Variants in TRIM9 observed in about 807,000 individuals in gnomAD.
The protein encoded by TRIM9 is E3 ubiquitin-protein ligase TRIM9.
In TRIM9, 26 loss-of-function variants were observed where a neutral mutation model predicts 78.3. That is an observed-to-expected ratio of 0.33 (90% confidence interval 0.24 to 0.46). The LOEUF is 0.46. Ranked by LOEUF, TRIM9 falls within the 20% of genes least tolerant of loss-of-function variation. TRIM9 has a pLI of 1.00. For synonymous variants in TRIM9, 398 were observed against 416.5 expected (o/e 0.96, Z 0.54); for missense variants, 787 against 1,036.4 (o/e 0.76, Z 3.30).
chr14:51,035,237 G>A (rs979306733), intron 1 of TRIM9, among the ~76,000 whole-genome samples: 14 of 151,904 alleles, frequency 9.2e-5, no homozygotes, highest in Non-Finnish European at 4.4e-5. Context: ...AAGTTCTTTT[G>A]ATTTTCTGAT....
chr14:51,040,423 A>G (rs764081038), intron 1 of TRIM9, among the ~76,000 whole-genome samples: 1 of 152,100 alleles, frequency 6.6e-6, no homozygotes, highest in Non-Finnish European at 1.5e-5. Context: ...ATCTAGTCCC[A>G]TGGTAACTGC....
At chr14:50,986,950 G>T (rs1052856384) in intron 7 of TRIM9, among the ~76,000 whole-genome samples, 8 of 152,122 alleles carry the variant, frequency 5.3e-5, no homozygotes, top group African/African-American at 1.9e-4. Context: ...TATTTGATCT[G>T]GTTTTAGAAG....
In TRIM9 at chr14:51,019,205, G is replaced by A. The variant is rs76566913; in HGVS notation, c.1041+3630C>T. The stretch of plus-strand genomic sequence containing the variant: ...GACAGACCAAGACAAGAAACCTGGA[G>A]GTCCAGTGTGCTCTGCTCACTGTTG... On this transcript the variant is annotated intron_variant, in intron 3 of 12. Coordinates refer to ENST00000684578, the MANE Select transcript of TRIM9 (RefSeq NM_001387360.1). 2.0e-5 allele frequency among the ~76,000 whole-genome samples: 3 copies of A among 152,340 alleles called. No homozygotes were observed. The East Asian group carries it at 5.8e-4, about 29-fold the overall frequency.
intron 1 of TRIM9, among the ~76,000 whole-genome samples, chr14:51,093,875 G>A (rs1338547786): frequency 6.6e-6 from 1 of 152,362 alleles, no homozygotes; most frequent in Middle Eastern, 3.4e-3. Flanking sequence ...CAGGCAGCGC[G>A]CCCCGAGAGA....
intron 1 of TRIM9, among the ~76,000 whole-genome samples, chr14:51,093,844 G>C (rs1044715310): frequency 6.6e-6 from 1 of 152,254 alleles, no homozygotes; most frequent in Non-Finnish European, 1.5e-5. Flanking sequence ...CGCGGAAAGG[G>C]GGCGCCCTGA....
At chr14:51,051,989 GAAGGGAACGGAAAGGA>G (rs2060464647) in intron 1 of TRIM9, among the ~76,000 whole-genome samples, 1 of 142,808 alleles carries the variant, frequency 7.0e-6, no homozygotes, top group Non-Finnish European at 1.5e-5. Context: ...AAAGAGAAGG[GAAGGGAACGGAAAGGA>G]AAGGGAGAGG....
Position 51,094,770 on chromosome 14 carries a change from A to G in TRIM9, c.170T>C (p.Val57Ala). The change falls in exon 1 of 13, where the codon GTC becomes GCC. Residue 57 changes from valine (V) to alanine (A), a missense_variant. Coordinates refer to ENST00000684578, the MANE Select transcript of TRIM9 (RefSeq NM_001387360.1). ...CAGGTCCAGATAGTCATAGTCGGAG[A>G]CCCCGGAGCCCGCGGCCCGATGGCT... ...PQSHRAAGSG[V>A]SDYDYLDLDK... 1 of 1,525,282 alleles carries G rather than the reference A, an allele frequency of 6.6e-7. No individual in the cohort carries two copies. Among genetic ancestry groups the G allele is most frequent in the East Asian group, 2.3e-5 (1 of 44,056 alleles). 94.5% of individuals were successfully genotyped at this position (1,525,282 alleles called of 1,614,324 possible). A position where few individuals can be genotyped will look rare whatever the true frequency, so the allele number is the denominator to read the frequency against.
intron 3 of TRIM9, 36 bp downstream of exon 3, chr14:51,022,799 G>T: frequency 1.2e-6 from 2 of 1,612,110 alleles, no homozygotes; most frequent in Non-Finnish European, 1.7e-6. Context: ...AGCCTGGCTT[G>T]TTGGCTTTCT....
intron 1 of TRIM9, among the ~76,000 whole-genome samples, chr14:51,067,630 T>C (rs2061860420): frequency 6.6e-6 from 1 of 152,192 alleles, no homozygotes; most frequent in African/African-American, 2.4e-5. Flanking sequence ...TGCCTAAGGA[T>C]CTTTGCATGT....
At chr14:50,997,333 T>C in intron 7 of TRIM9, 2 of 985,318 alleles carry the variant, frequency 2.0e-6, no homozygotes, top group Non-Finnish European at 2.4e-6. Context: ...GAAGCAAAAA[T>C]TCTCTAGAGA....
intron 1 of TRIM9, among the ~76,000 whole-genome samples, chr14:51,092,682 T>C (rs2064475009): frequency 6.6e-6 from 1 of 152,170 alleles, no homozygotes; most frequent in Non-Finnish European, 1.5e-5. Flanking sequence ...TTCATGCACA[T>C]CTCCTCAAGA....
chr14:51,077,512 A>T (rs1246662626), intron 1 of TRIM9, among the ~76,000 whole-genome samples: 1 of 148,560 alleles, frequency 6.7e-6, no homozygotes, highest in Non-Finnish European at 1.5e-5. Context: ...CCTGCCTCAG[A>T]CTCTCCAAGT....
intron 1 of TRIM9, among the ~76,000 whole-genome samples, chr14:51,049,618 G>A (rs542189586): frequency 6.6e-6 from 1 of 152,166 alleles, no homozygotes; most frequent in African/African-American, 2.4e-5. Flanking sequence ...ATGAGGTCAG[G>A]AGTTCAAGAC....
intron 7 of TRIM9, among the ~76,000 whole-genome samples, chr14:50,994,149 T>C (rs764778138): frequency 6.6e-6 from 1 of 152,204 alleles, no homozygotes; most frequent in East Asian, 1.9e-4. Flanking sequence ...CTCATGCCTG[T>C]CATCCCAGTA....
chr14:51,044,311 A>T (rs2059781664), intron 1 of TRIM9, among the ~76,000 whole-genome samples: 1 of 152,192 alleles, frequency 6.6e-6, no homozygotes, highest in Admixed American at 6.5e-5. Flanking sequence ...TAAATATCCA[A>T]GAAGAAAGCC....
intron 6 of TRIM9, 69 bp from the exon 7 acceptor site, chr14:50,998,257 G>A (rs142667819): frequency 1.4e-4 from 205 of 1,492,332 alleles, no homozygotes; most frequent in Non-Finnish European, 1.8e-4. Flanking sequence ...AGGCAGTGTC[G>A]CTCAGTGGTT....
At chr14:51,079,818 C>T (rs188543472) in intron 1 of TRIM9, among the ~76,000 whole-genome samples, 119 of 152,156 alleles carry the variant, frequency 7.8e-4, no homozygotes, top group Middle Eastern at 3.4e-3. Flanking sequence ...GTACACAGGT[C>T]AGAACAAGCC....
rs943780177 is a variant in TRIM9 at position 51,095,093 on chromosome 14, G to A, written c.-154C>T. On this transcript the variant is annotated 5_prime_UTR_variant, in exon 1 of 13. Transcript: ENST00000684578. ...AGCACTGGCACGGACACCCAGAGAG[G>A]CGCTAGCTCTGTGAGCCGCAGCCGC... 21 of 509,956 alleles carry A rather than the reference G, an allele frequency of 4.1e-5. No individual in the cohort carries two copies. The Admixed American group carries it at 7.0e-4, about 17-fold the overall frequency. The allele number at this position is 509,956 out of a possible 1,614,324, so 31.6% of individuals were successfully genotyped here. A position where few individuals can be genotyped will look rare whatever the true frequency, so the allele number is the denominator to read the frequency against.
intron 1 of TRIM9, among the ~76,000 whole-genome samples, chr14:51,088,539 AAAAC>A (rs2063993827): frequency 6.6e-6 from 1 of 152,194 alleles, no homozygotes; most frequent in Admixed American, 6.5e-5. Flanking sequence ...CTTGCCTTTG[AAAAC>A]AAACAAATCA....
Sources: allele counts gnomAD v4.1 joint callset (sites outside exome capture counted in the v4.1 genomes callset), GRCh38; gene constraint gnomAD v4.1.1; transcripts MANE v1.5; gene names NCBI Gene and HGNC (gene_info 2026-07-23, HGNC 2026-07-21).